Variants in IGF2BP2 observed in about 807,000 individuals in gnomAD.
The protein encoded by IGF2BP2 is insulin like growth factor 2 mRNA binding protein 2, also known as insulin-like growth factor 2 mRNA-binding protein 2.
IGF2BP2 carries 17 observed loss-of-function variants against 75.8 expected under a neutral mutation model. The ratio of observed to expected loss-of-function variants is 0.22; its 90% CI spans 0.15 to 0.34. The LOEUF is 0.34. Ranked by LOEUF, IGF2BP2 falls within the 10% of genes least tolerant of loss-of-function variation. The probability of loss-of-function intolerance (pLI) is 1.00; values close to 1 mark genes in which losing one functional copy is unlikely to be tolerated. For synonymous variants in IGF2BP2, 288 were observed against 295.6 expected, an observed-to-expected ratio of 0.97 and a Z score of 0.26; for missense variants, 516 against 772.4, an observed-to-expected ratio of 0.67 and a Z score of 3.93.
At chr3:185,676,456 C>T (rs1004834378) in intron 7 of IGF2BP2, among the ~76,000 whole-genome samples, 12 of 152,050 alleles carry the variant, frequency 7.9e-5, no homozygotes, top group African/African-American at 2.4e-4. Context: ...GGTGGGCAAT[C>T]GCCTAAGCCC....
intron 7 of IGF2BP2, among the ~76,000 whole-genome samples, chr3:185,686,366 C>A (rs548597492): frequency 7.4e-4 from 110 of 148,202 alleles, no homozygotes; most frequent in African/African-American, 2.3e-3. Flanking sequence ...CCTAGGGCAA[C>A]AGAGTGAGAC....
intron 2 of IGF2BP2, among the ~76,000 whole-genome samples, chr3:185,743,850 C>A (rs1224838952): frequency 6.6e-6 from 1 of 152,146 alleles, no homozygotes; most frequent in African/African-American, 2.4e-5. Flanking sequence ...TTCCACCACA[C>A]GCAACAATCC....
intron 2 of IGF2BP2, among the ~76,000 whole-genome samples, chr3:185,759,203 G>A (rs1560424482): frequency 6.6e-6 from 1 of 152,152 alleles, no homozygotes; most frequent in South Asian, 2.1e-4. Context: ...ATCAGAGAAG[G>A]AAATGGAGCA....
At chr3:185,811,227 C>G (rs553857598) in intron 2 of IGF2BP2, among the ~76,000 whole-genome samples, 1 of 152,148 alleles carries the variant, frequency 6.6e-6, no homozygotes, top group African/African-American at 2.4e-5. Context: ...GCTACTGCAA[C>G]TAAGACCTAA....
At chr3:185,818,962 T>C (rs1473516578) in intron 2 of IGF2BP2, among the ~76,000 whole-genome samples, 1 of 152,194 alleles carries the variant, frequency 6.6e-6, no homozygotes, top group East Asian at 1.9e-4. Flanking sequence ...AATTCTGATA[T>C]GCAATTTGTT....
chr3:185,784,263 T>TAGACAGAC (rs534768952), intron 2 of IGF2BP2, among the ~76,000 whole-genome samples: 3,714 of 93,354 alleles, frequency 0.04, 76 homozygotes, highest in South Asian at 0.077. Flanking sequence ...GATAGATAGA[T>TAGACAGAC]AGATAGACAG....
At chr3:185,795,599 A>C (rs758917542) in intron 2 of IGF2BP2, among the ~76,000 whole-genome samples, 1 of 152,194 alleles carries the variant, frequency 6.6e-6, no homozygotes, top group Non-Finnish European at 1.5e-5. Flanking sequence ...TAAGAAAATG[A>C]AGCCAGAAGC....
At chr3:185,773,182 C>T (rs1048942901) in intron 2 of IGF2BP2, among the ~76,000 whole-genome samples, 2 of 152,156 alleles carry the variant, frequency 1.3e-5, no homozygotes, top group Non-Finnish European at 2.9e-5. Flanking sequence ...AGATAGCTGG[C>T]CACATTTTTA....
chr3:185,762,366 TA>T (rs529395141), intron 2 of IGF2BP2, among the ~76,000 whole-genome samples: 1,275 of 105,442 alleles, frequency 0.012, 17 homozygotes, highest in African/African-American at 0.039. Context: ...AGGCTTTACT[TA>T]AAAAAAAAAA....
At chr3:185,751,765 C>G (rs187725480) in intron 2 of IGF2BP2, among the ~76,000 whole-genome samples, 1 of 152,168 alleles carries the variant, frequency 6.6e-6, no homozygotes, top group East Asian at 1.9e-4. Context: ...GAGATTGAGA[C>G]CATCCTGGCC....
chr3:185,665,398 GAGGAGAAGGAAAAGGAGGAGA>G (rs1717269906), intron 10 of IGF2BP2, among the ~76,000 whole-genome samples: 12 of 113,270 alleles, frequency 1.1e-4, no homozygotes, highest in African/African-American at 3.6e-4. Context: ...GAAGGAGGAG[GAGGAGAAGGAAAAGGAGGAGA>G]AGGAGAAGGA....
intron 2 of IGF2BP2, among the ~76,000 whole-genome samples, chr3:185,756,754 C>T (rs996592803): frequency 2.0e-5 from 3 of 152,136 alleles, no homozygotes; most frequent in African/African-American, 7.2e-5. Context: ...GGGAAGATTG[C>T]TTGAGTCCAG....
At chr3:185,719,498 A>T (rs1258693049) in intron 2 of IGF2BP2, among the ~76,000 whole-genome samples, 1 of 152,144 alleles carries the variant, frequency 6.6e-6, no homozygotes, top group African/African-American at 2.4e-5. Flanking sequence ...AAAGGCAGGG[A>T]TGAGCTTGGA....
At chr3:185,648,771 C>T (rs530302557) in intron 14 of IGF2BP2, among the ~76,000 whole-genome samples, 6 of 152,328 alleles carry the variant, frequency 3.9e-5, no homozygotes, top group South Asian at 4.1e-4. Context: ...CTGCACCTTC[C>T]AGTAGAAAAT....
Position 185,675,364 on chromosome 3 carries a change from C to T in IGF2BP2, c.1003G>A (p.Ala335Thr). The change falls in exon 9 of 16, where the codon GCC becomes ACC. Residue 335 changes from alanine (A) to threonine (T), a missense_variant. This residue lies in a region of IGF2BP2 where 312 missense variants were observed against 474.5 expected (regional missense o/e 0.66). Coordinates refer to ENST00000382199, the MANE Select transcript of IGF2BP2 (RefSeq NM_006548.6). ...TTCATAATCTCTATCTCAGCACTGG[C>T]ACAGGCCTCAACTGTGCCCTTCACA... Reference protein sequence around the residue: ...ITVKGTVEACASAEIEIMKKL... With the variant: ...ITVKGTVEACTSAEIEIMKKL... The T allele has an allele frequency of 1.2e-6, 2 of 1,612,642 alleles. No individual in the cohort carries two copies. The highest frequency in any genetic ancestry group is 8.5e-7 in the Non-Finnish European group (1 of 1,179,644).
At chr3:185,676,685 C>CTA (rs141381897) in intron 7 of IGF2BP2, among the ~76,000 whole-genome samples, 4,664 of 131,522 alleles carry the variant, frequency 0.035, 217 homozygotes, top group African/African-American at 0.12. Context: ...AAAACAACAA[C>CTA]TATATATATA....
intron 2 of IGF2BP2, among the ~76,000 whole-genome samples, chr3:185,705,113 G>A (rs1330404990): frequency 6.6e-6 from 1 of 152,132 alleles, no homozygotes; most frequent in Non-Finnish European, 1.5e-5. Context: ...GGGCTCCCCC[G>A]CAAGACGCAG....
chr3:185,782,871 C>T (rs967678530), intron 2 of IGF2BP2, among the ~76,000 whole-genome samples: 3 of 152,134 alleles, frequency 2.0e-5, no homozygotes, highest in African/African-American at 7.2e-5. Flanking sequence ...CAAGTAACAC[C>T]CACCTGAGAT....
chr3:185,692,660 CAAAT>C, intron 5 of IGF2BP2, 35 bp downstream of exon 5: 1 of 1,498,550 alleles, frequency 6.7e-7, no homozygotes, highest in Non-Finnish European at 9.2e-7. Flanking sequence ...AATATAAAAA[CAAAT>C]AAATTTAAAC....
Sources: allele counts gnomAD v4.1 joint callset (sites outside exome capture counted in the v4.1 genomes callset), GRCh38; gene constraint gnomAD v4.1.1; regional missense constraint gnomAD v4.1.1; transcripts MANE v1.5; gene names NCBI Gene and HGNC (gene_info 2026-07-23, HGNC 2026-07-21).